TMEM45B: variants seen among roughly 807,000 people sequenced by gnomAD.
TMEM45B encodes the protein transmembrane protein 45B.
TMEM45B carries 29 observed loss-of-function variants against 27.3 expected under a neutral mutation model. That is an observed-to-expected ratio of 1.06 (90% CI 0.79 to 1.45). The LOEUF (loss-of-function observed/expected upper bound fraction) is 1.45, where lower values mean the gene tolerates loss of function less well. Among genes scored for constraint, TMEM45B ranks in the 40% most tolerant of loss-of-function variants. The pLI, the probability that TMEM45B is intolerant of heterozygous loss-of-function variation, is 0.00. For synonymous variants in TMEM45B, 143 were observed against 134.7 expected, an observed-to-expected ratio of 1.06 and a Z score of -0.43; for missense variants, 348 against 343.9, an observed-to-expected ratio of 1.01 and a Z score of -0.09.
intron 1 of TMEM45B, among the ~76,000 whole-genome samples, chr11:129,829,061 C>T (rs1947519273): frequency 1.3e-5 from 2 of 152,320 alleles, no homozygotes; most frequent in Admixed American, 1.3e-4. Context: ...CACAGGATCC[C>T]TCCAAGGTGG....
At position 129,848,152 on chromosome 11, in the gene TMEM45B, A is replaced by G. The variant is rs1440972836; in HGVS notation, c.-8-4323A>G. On this transcript the variant is annotated intron_variant, in intron 1 of 5. Coordinates refer to ENST00000281441, the MANE Select transcript of TMEM45B (RefSeq NM_138788.5). ...GAGGCTGCAATCTCGGCACTTTGGG[A>G]GGCCAAGGCAGGCAGCTGGGAGGTG... Among the ~76,000 whole-genome samples, 15 of 151,428 alleles carry G rather than the reference A, an allele frequency of 9.9e-5. No individual in the cohort carries two copies. In the East Asian group the frequency reaches 1.7e-3, roughly 18 times the overall value.
intron 1 of TMEM45B, among the ~76,000 whole-genome samples, chr11:129,848,077 C>A (rs868107410): frequency 6.6e-6 from 1 of 151,366 alleles, no homozygotes. Context: ...AGACGATGGG[C>A]GGCCAGGCAG....
intron 3 of TMEM45B, among the ~76,000 whole-genome samples, chr11:129,855,265 C>A (rs1358957245): frequency 1.3e-5 from 2 of 151,920 alleles, no homozygotes; most frequent in African/African-American, 4.9e-5. Context: ...TACCGTCTTG[C>A]CTCCATCACA....
rs1275595161 is a variant in TMEM45B, at chr11:129,829,872, G to A, written c.-9+13974G>A. On this transcript the variant is annotated intron_variant, in intron 1 of 5. Transcript: ENST00000281441. ...TATAGGCAAGGTCCTTCTGTAAAGA[G>A]TTGATGAAATCTACTTTTAAGAGTA... is the stretch of plus-strand genomic sequence containing the variant. Among the ~76,000 whole-genome samples the A allele has an allele frequency of 1.3e-5, 2 of 152,324 alleles. 1 individual carries two copies. The highest frequency in any genetic ancestry group is 4.1e-4 in the South Asian group (2 of 4,824).
At chr11:129,826,270 C>T (rs139216253) in intron 1 of TMEM45B, among the ~76,000 whole-genome samples, 2,754 of 152,142 alleles carry the variant, frequency 0.018, 63 homozygotes, top group African/African-American at 0.06. Context: ...AATAAAGAGG[C>T]CGGGCGCGGT....
At chr11:129,854,427 C>G (rs560691501) in intron 2 of TMEM45B, among the ~76,000 whole-genome samples, 183 bp from the exon 3 acceptor site, 2 of 152,334 alleles carry the variant, frequency 1.3e-5, no homozygotes, top group East Asian at 3.9e-4. Context: ...ACAGGTGACT[C>G]AGCACACACC....
intron 1 of TMEM45B, among the ~76,000 whole-genome samples, chr11:129,826,777 G>A (rs1180630745): frequency 3.4e-5 from 5 of 148,340 alleles, no homozygotes; most frequent in African/African-American, 5.0e-5. Flanking sequence ...GCGCGATCTC[G>A]GCTCACTGCA....
chr11:129,817,306 A>G (rs61916112), intron 1 of TMEM45B, among the ~76,000 whole-genome samples: 46,490 of 152,102 alleles, frequency 0.31, 7,280 homozygotes, highest in South Asian at 0.35. Flanking sequence ...GGAAAGAATC[A>G]GGACACGTGG....
intron 1 of TMEM45B, among the ~76,000 whole-genome samples, chr11:129,829,556 G>C (rs1466322113): frequency 6.6e-6 from 1 of 152,194 alleles, no homozygotes; most frequent in Admixed American, 6.5e-5. Flanking sequence ...ACATTATCTA[G>C]TTCACTCCCA....
intron 1 of TMEM45B, among the ~76,000 whole-genome samples, chr11:129,825,315 G>A (rs951954439): frequency 3.3e-5 from 5 of 152,140 alleles, no homozygotes; most frequent in African/African-American, 1.2e-4. Context: ...AGTCCAGAAT[G>A]ACTCCCAAGA....
At chr11:129,837,708 C>A (rs1349848964) in intron 1 of TMEM45B, among the ~76,000 whole-genome samples, 1 of 150,014 alleles carries the variant, frequency 6.7e-6, no homozygotes, top group Admixed American at 6.7e-5. Flanking sequence ...CACCACCACA[C>A]CCAGCTAATT....
At chr11:129,821,299 G>A (rs1016890400) in intron 1 of TMEM45B, among the ~76,000 whole-genome samples, 1 of 152,114 alleles carries the variant, frequency 6.6e-6, no homozygotes, top group African/African-American at 2.4e-5. Context: ...CTGTTGAGTG[G>A]GGAGGAAACG....
At chr11:129,816,975 T>A (rs1291780315) in intron 1 of TMEM45B, among the ~76,000 whole-genome samples, 1 of 151,596 alleles carries the variant, frequency 6.6e-6, no homozygotes, top group South Asian at 2.1e-4. Flanking sequence ...CTCGATCTCC[T>A]GACCTCATGA....
At chr11:129,835,849 G>A (rs1335359635) in intron 1 of TMEM45B, among the ~76,000 whole-genome samples, 2 of 152,252 alleles carry the variant, frequency 1.3e-5, no homozygotes, top group East Asian at 3.8e-4. Context: ...TGGGCGCAGT[G>A]GCTCACGCCT....
rs1418244282 is a variant in TMEM45B at position 129,855,008 on chromosome 11, T to C, written c.385+192T>C. 2.0e-5 allele frequency among the ~76,000 whole-genome samples: 3 copies of C among 152,170 alleles called. No homozygotes were observed. The East Asian group carries it at 5.8e-4, about 29-fold the overall frequency. ...GGGCCAGGTGACATATTCCCTAAAG[T>C]AGCTCATGAAAGCTTTGAGGCTTGA... is the stretch of plus-strand genomic sequence containing the variant. On this transcript the variant is annotated intron_variant, in intron 3 of 5. Transcript: ENST00000281441.
At chr11:129,834,328 G>C (rs1395149456) in intron 1 of TMEM45B, among the ~76,000 whole-genome samples, 4 of 151,898 alleles carry the variant, frequency 2.6e-5, no homozygotes, top group Middle Eastern at 3.4e-3. Flanking sequence ...ATACTCAGGA[G>C]GCTGAGGCAG....
chr11:129,821,516 T>G (rs889575840), intron 1 of TMEM45B, among the ~76,000 whole-genome samples: 2 of 152,214 alleles, frequency 1.3e-5, no homozygotes, highest in African/African-American at 4.8e-5. Context: ...ATTTTACGCC[T>G]TTTTCTTAAA....
chr11:129,821,591 C>G (rs2135551340), intron 1 of TMEM45B, among the ~76,000 whole-genome samples: 1 of 152,232 alleles, frequency 6.6e-6, no homozygotes, highest in Middle Eastern at 3.4e-3. Flanking sequence ...GAGCTTGTGC[C>G]CATTTGAGAT....
At chr11:129,855,948 C>A in intron 4 of TMEM45B, 56 bp downstream of exon 4, 9 of 1,583,710 alleles carry the variant, frequency 5.7e-6, no homozygotes, top group Admixed American at 1.8e-5. Context: ...CCCCACCGAG[C>A]GCATCCCAGA....
Sources: gnomAD v4.1 joint callset for allele counts (sites outside exome capture counted in the v4.1 genomes callset) on GRCh38, gnomAD v4.1.1 for gene constraint, MANE v1.5 for transcripts, NCBI Gene and HGNC (gene_info 2026-07-23, HGNC 2026-07-21) for gene names.